MIS18A: variants seen among roughly 807,000 people sequenced by gnomAD.
MIS18A encodes MIS18 kinetochore protein A, also known as protein Mis18-alpha.
A neutral mutation model predicts 25.0 loss-of-function variants in MIS18A; 14 were observed. The ratio of observed to expected loss-of-function variants is 0.56; its 90% CI spans 0.37 to 0.88. The LOEUF (loss-of-function observed/expected upper bound fraction) is 0.88, where lower values mean the gene tolerates loss of function less well. MIS18A is among the 40% of genes least tolerant of loss of function. The pLI, the probability that MIS18A is intolerant of heterozygous loss-of-function variation, is 0.00. For synonymous variants in MIS18A, 134 were observed against 118.6 expected (o/e 1.13, Z -0.84); for missense variants, 292 against 290.8 (o/e 1.00, Z -0.03).
the MIS18A span, among the ~76,000 whole-genome samples, chr21:32,254,431 T>G: frequency 6.6e-6 from 1 of 151,554 alleles, no homozygotes; most frequent in Non-Finnish European, 1.5e-5. Flanking sequence ...CTTGGGAAGC[T>G]GAGGCAGGAG....
the MIS18A span, chr21:32,261,721 A>G: frequency 1.3e-5 from 2 of 152,268 alleles, no homozygotes; most frequent in African/African-American, 4.8e-5. Flanking sequence ...GATAACCGCA[A>G]TAAAGTAAAA....
the MIS18A span, among the ~76,000 whole-genome samples, chr21:32,182,363 C>T: frequency 6.6e-6 from 1 of 151,962 alleles, no homozygotes; most frequent in Non-Finnish European, 1.5e-5. Flanking sequence ...GGAATGTTCC[C>T]ATTTTAAGTT....
chr21:32,184,008 T>C, the MIS18A span, among the ~76,000 whole-genome samples: 4 of 152,200 alleles, frequency 2.6e-5, no homozygotes, highest in Non-Finnish European at 5.9e-5. Flanking sequence ...AAGTTATATA[T>C]GAGTCTCAGG....
chr21:32,199,445 A>T, the MIS18A span, among the ~76,000 whole-genome samples: 16 of 152,038 alleles, frequency 1.1e-4, no homozygotes, highest in African/African-American at 3.1e-4. Flanking sequence ...AAAAAAATTT[A>T]AAAAAAAGAA....
At chr21:32,174,028 G>A in the MIS18A span, among the ~76,000 whole-genome samples, 67 of 136,570 alleles carry the variant, frequency 4.9e-4, no homozygotes, top group Non-Finnish European at 5.9e-4. Flanking sequence ...GCGGTGGCAC[G>A]ATCTTGGCTC....
At chr21:32,275,980 G>C (rs1422386985) in intron 1 of MIS18A, among the ~76,000 whole-genome samples, 2 of 152,030 alleles carry the variant, frequency 1.3e-5, no homozygotes, top group Admixed American at 1.3e-4. Context: ...CCCTGCCTAA[G>C]CTAGCATAAT....
chr21:32,204,859 C>G, the MIS18A span, among the ~76,000 whole-genome samples: 1 of 152,128 alleles, frequency 6.6e-6, no homozygotes, highest in Non-Finnish European at 1.5e-5. Context: ...CGCACTCTAG[C>G]CTGGGCGACA....
chr21:32,245,935 A>C, the MIS18A span, among the ~76,000 whole-genome samples: 1 of 152,154 alleles, frequency 6.6e-6, no homozygotes, highest in South Asian at 2.1e-4. Flanking sequence ...TGCAGGCTGT[A>C]CAGGAAACGT....
chr21:32,269,663 C>T (rs755147195), intron 4 of MIS18A, 44 bp downstream of exon 4: 3 of 1,229,716 alleles, frequency 2.4e-6, no homozygotes, highest in Non-Finnish European at 3.6e-6. Context: ...TCTTCACTGA[C>T]AAACTGTTCA....
At chr21:32,210,361 A>G in the MIS18A span, among the ~76,000 whole-genome samples, 1 of 152,212 alleles carries the variant, frequency 6.6e-6, no homozygotes, top group Admixed American at 6.5e-5. Flanking sequence ...TTACCCTTAT[A>G]GCTCATCAGT....
chr21:32,276,618 G>A (rs530387215), intron 1 of MIS18A, among the ~76,000 whole-genome samples: 136 of 152,170 alleles, frequency 8.9e-4, no homozygotes, highest in Admixed American at 2.4e-3. Flanking sequence ...GAGTACTGGA[G>A]TTGGGAAAAC....
the MIS18A span, among the ~76,000 whole-genome samples, chr21:32,206,893 A>G: frequency 2.0e-5 from 3 of 152,242 alleles, no homozygotes; most frequent in South Asian, 6.2e-4. Flanking sequence ...GATACATCAC[A>G]CCACTGATGC....
intron 2 of MIS18A, among the ~76,000 whole-genome samples, chr21:32,271,565 T>C (rs1286281058): frequency 1.3e-5 from 2 of 152,224 alleles, no homozygotes; most frequent in Non-Finnish European, 2.9e-5. Context: ...AGCTGGATAG[T>C]ATGCCACTGA....
At chr21:32,217,377 G>A in the MIS18A span, among the ~76,000 whole-genome samples, 1 of 152,222 alleles carries the variant, frequency 6.6e-6, no homozygotes, top group East Asian at 1.9e-4. Flanking sequence ...CAGCAGACTT[G>A]AGCTGGCAGA....
At chr21:32,155,230 CA>C in the MIS18A span, among the ~76,000 whole-genome samples, 6 of 152,052 alleles carry the variant, frequency 3.9e-5, no homozygotes, top group African/African-American at 1.4e-4. Flanking sequence ...CTTGTTTTAC[CA>C]GCTGTTTAGG....
the MIS18A span, among the ~76,000 whole-genome samples, chr21:32,249,295 C>T: frequency 1.3e-5 from 2 of 152,176 alleles, no homozygotes; most frequent in African/African-American, 4.8e-5. Flanking sequence ...CACCATGAAA[C>T]CCTCCATGCG....
At chr21:32,215,749 T>C in the MIS18A span, among the ~76,000 whole-genome samples, 1 of 152,188 alleles carries the variant, frequency 6.6e-6, no homozygotes, top group South Asian at 2.1e-4. Context: ...AATTAGTCAT[T>C]AGTCACTTGT....
chr21:32,160,707 C>T, the MIS18A span, among the ~76,000 whole-genome samples: 6 of 151,916 alleles, frequency 3.9e-5, no homozygotes, highest in South Asian at 2.1e-4. Context: ...TCTCAGCTCA[C>T]CGCAACCTCC....
the MIS18A span, among the ~76,000 whole-genome samples, chr21:32,155,669 A>G: frequency 6.6e-6 from 1 of 152,234 alleles, no homozygotes; most frequent in African/African-American, 2.4e-5. Context: ...TTTCATCTGT[A>G]TGTAAAAAGT....
Sources: gnomAD v4.1 joint callset for allele counts (sites outside exome capture counted in the v4.1 genomes callset) on GRCh38, gnomAD v4.1.1 for gene constraint, MANE v1.5 for transcripts, NCBI Gene and HGNC (gene_info 2026-07-23, HGNC 2026-07-21) for gene names.